The following FBP2 variants were observed in gnomAD, a reference collection of about 807,000 sequenced individuals.
FBP2 encodes the protein fructose-bisphosphatase 2.
Under a neutral mutation model 31.6 loss-of-function variants are expected in FBP2, and 27 were observed. That is an observed-to-expected ratio of 0.85 (90% CI 0.63 to 1.18). The LOEUF (loss-of-function observed/expected upper bound fraction) is 1.18, where lower values mean the gene tolerates loss of function less well. Ranked by LOEUF, FBP2 falls within the 50% of genes most tolerant of loss-of-function variation. The pLI is 0.00. For synonymous variants in FBP2, 168 were observed against 179.8 expected, an observed-to-expected ratio of 0.93 and a Z score of 0.53; for missense variants, 421 against 436.1, an observed-to-expected ratio of 0.97 and a Z score of 0.31.
chr9:94,573,683 G>T (rs1188036779), intron 3 of FBP2, among the ~76,000 whole-genome samples: 1 of 152,154 alleles, frequency 6.6e-6, no homozygotes, highest in Non-Finnish European at 1.5e-5. Context: ...ACCCCACTCA[G>T]CCATGGTGTA....
At position 94,559,111 on chromosome 9, in the gene FBP2, T is replaced by A. The variant is rs925744359; in HGVS notation, c.847A>T (p.Asn283Tyr). 6.2e-7 allele frequency: 1 copy of A among 1,613,028 alleles called. No individual in the cohort carries two copies. The highest frequency in any genetic ancestry group is 8.5e-7 in the Non-Finnish European group (1 of 1,179,560). Residue 283 changes from asparagine to tyrosine, a missense_variant, in exon 7 of 7, where the codon AAT (asparagine) becomes TAT (tyrosine). By Grantham distance (143) the Asn-to-Tyr change is moderately radical. Coordinates refer to ENST00000375337, the MANE Select transcript of FBP2 (RefSeq NM_003837.4). ...KGKLRLLYECNPVAYIIEQAG... is the reference protein window; with the variant it reads ...KGKLRLLYECYPVAYIIEQAG... ...TGCTCAATGATGTAGGCCACGGGAT[T>A]GCATTCATACAGGAGCCGGAGCTGT...
chr9:94,559,653 C>T (rs7039582), intron 6 of FBP2, among the ~76,000 whole-genome samples: 66,793 of 151,848 alleles, frequency 0.44, 15,631 homozygotes, highest in Admixed American at 0.54. Context: ...ACTAGTTTGC[C>T]GGTGTTTCAA....
intron 3 of FBP2, among the ~76,000 whole-genome samples, chr9:94,579,178 A>G (rs1347353271): frequency 6.7e-6 from 1 of 149,070 alleles, no homozygotes; most frequent in East Asian, 2.0e-4. Flanking sequence ...GCGGGCAGAT[A>G]ACGAGGTCAG....
In FBP2 at chr9:94,571,268, C is replaced by T. The variant is rs3824485; in HGVS notation, c.567+194G>A. Among the ~76,000 whole-genome samples, 29 of 152,292 alleles carry T rather than the reference C, an allele frequency of 1.9e-4. No homozygotes were observed. The East Asian group carries it at 5.0e-3, about 26-fold the overall frequency. On this transcript the variant is annotated intron_variant, in intron 4 of 6. Coordinates refer to ENST00000375337, the MANE Select transcript of FBP2 (RefSeq NM_003837.4). The stretch of plus-strand genomic sequence containing the variant: ...TGGCTCTGCAGGACACTCCTCCCCC[C>T]GAGTGCCCTCACTGGGACAGAGGCC...
intron 4 of FBP2, chr9:94,568,549 T>G (rs774862122): frequency 1.3e-5 from 2 of 151,984 alleles, no homozygotes; most frequent in Non-Finnish European, 2.9e-5. Flanking sequence ...AGTGAAAAAC[T>G]CCAAAATGAC....
chr9:94,561,293 T>C (rs10821367), intron 6 of FBP2, among the ~76,000 whole-genome samples: 92,000 of 150,500 alleles, frequency 0.61, 28,397 homozygotes, highest in Admixed American at 0.73. Flanking sequence ...AAATTTAATA[T>C]CAAAATGCCC....
At chr9:94,571,737 C>T (rs903061274) in intron 3 of FBP2, 135 bp from the exon 4 acceptor site, 31 of 788,822 alleles carry the variant, frequency 3.9e-5, no homozygotes, top group Non-Finnish European at 5.5e-5. Context: ...GCTGCAAATC[C>T]ATCCAGAGGA....
intron 6 of FBP2, among the ~76,000 whole-genome samples, chr9:94,560,978 G>C (rs2131439323): frequency 6.6e-6 from 1 of 152,084 alleles, no homozygotes; most frequent in Non-Finnish European, 1.5e-5. Context: ...AAAAGTTGTG[G>C]TGCATGCGGG....
At chr9:94,566,672 C>T (rs924391801) in intron 5 of FBP2, among the ~76,000 whole-genome samples, 1 of 152,144 alleles carries the variant, frequency 6.6e-6, no homozygotes, top group Non-Finnish European at 1.5e-5. Context: ...GTCTCCCCCA[C>T]CAAGCTGGTC....
chr9:94,576,474 T>C (rs1564184602), intron 3 of FBP2, among the ~76,000 whole-genome samples: 2 of 152,182 alleles, frequency 1.3e-5, no homozygotes, highest in African/African-American at 2.4e-5. Flanking sequence ...CCCAAGCCCA[T>C]GGTCTGGTTT....
intron 1 of FBP2, among the ~76,000 whole-genome samples, chr9:94,588,097 C>T (rs1242494581): frequency 1.3e-5 from 2 of 151,942 alleles, no homozygotes; most frequent in East Asian, 2.0e-4. Flanking sequence ...GTGATCCACC[C>T]GCCTCAGCCT....
intron 5 of FBP2, 112 bp downstream of exon 5, chr9:94,567,158 G>A (rs1268651279): frequency 9.5e-7 from 1 of 1,055,512 alleles, no homozygotes; most frequent in East Asian, 2.4e-5. Context: ...ACTGACCACA[G>A]CCATAAACAG....
chr9:94,591,721 C>T (rs896680481), intron 1 of FBP2, among the ~76,000 whole-genome samples: 1 of 152,200 alleles, frequency 6.6e-6, no homozygotes, highest in African/African-American at 2.4e-5. Context: ...ACGGGGCCGG[C>T]ACAGTTGAAA....
At chr9:94,587,271 C>G in intron 2 of FBP2, 36 bp downstream of exon 2, 1 of 1,568,140 alleles carries the variant, frequency 6.4e-7, no homozygotes, top group Non-Finnish European at 8.6e-7. Context: ...GTATCATCAT[C>G]TACTGGCGAG....
At chr9:94,577,023 A>AG (rs1366650283) in intron 3 of FBP2, among the ~76,000 whole-genome samples, 1 of 152,092 alleles carries the variant, frequency 6.6e-6, no homozygotes, top group Non-Finnish European at 1.5e-5. Context: ...CCTCTTGGCC[A>AG]AAAGCACCCA....
chr9:94,559,894 G>A (rs974380825), intron 6 of FBP2, among the ~76,000 whole-genome samples: 5 of 152,228 alleles, frequency 3.3e-5, no homozygotes, highest in Non-Finnish European at 7.4e-5. Flanking sequence ...TTGGGAGGCC[G>A]AGGCAAAAGG....
intron 1 of FBP2, among the ~76,000 whole-genome samples, chr9:94,589,769 G>A (rs1026013238): frequency 6.9e-6 from 1 of 145,716 alleles, no homozygotes; most frequent in African/African-American, 2.6e-5. Flanking sequence ...ACATCATTTG[G>A]TGTCTGAGGA....
At chr9:94,561,996 G>A (rs1313032287) in intron 6 of FBP2, among the ~76,000 whole-genome samples, 1 of 152,264 alleles carries the variant, frequency 6.6e-6, no homozygotes, top group Non-Finnish European at 1.5e-5. Context: ...AACTGAGTAA[G>A]TGACCAGAGT....
At chr9:94,561,631 C>T (rs1226774142) in intron 6 of FBP2, among the ~76,000 whole-genome samples, 1 of 152,086 alleles carries the variant, frequency 6.6e-6, no homozygotes, top group Admixed American at 6.5e-5. Context: ...TCCCAAAGTA[C>T]TAGGATTACA....
Sources: gnomAD v4.1 joint callset for allele counts (sites outside exome capture counted in the v4.1 genomes callset) on GRCh38, gnomAD v4.1.1 for gene constraint, MANE v1.5 for transcripts, NCBI Gene and HGNC (gene_info 2026-07-23, HGNC 2026-07-21) for gene names.